The following GAP43 variants were observed in gnomAD, a reference collection of about 807,000 sequenced individuals.
GAP43 encodes neuromodulin.
GAP43 carries 6 observed loss-of-function variants against 18.6 expected under a neutral mutation model. That is an observed-to-expected ratio of 0.32 (90% CI 0.18 to 0.64). The LOEUF (loss-of-function observed/expected upper bound fraction) is 0.64, where lower values mean the gene tolerates loss of function less well. Among genes scored for constraint, GAP43 ranks in the 30% least tolerant of loss-of-function variants. The probability of loss-of-function intolerance (pLI) is 0.78; values close to 1 mark genes in which losing one functional copy is unlikely to be tolerated. For synonymous variants in GAP43, 115 were observed against 111.4 expected, an observed-to-expected ratio of 1.03 and a Z score of -0.20; for missense variants, 292 against 295.5, an observed-to-expected ratio of 0.99 and a Z score of 0.09.
At chr3:115,647,321 C>T (rs1042085663) in intron 1 of GAP43, among the ~76,000 whole-genome samples, 4 of 152,020 alleles carry the variant, frequency 2.6e-5, no homozygotes, top group Non-Finnish European at 5.9e-5. Flanking sequence ...ATAAATTTCT[C>T]TTGTTAACTA....
Position 115,698,012 on chromosome 3 carries a change from T to C in GAP43, c.628+21402T>C, listed in dbSNP as rs144593835. ...GTGTGTGTGTGTGTGTGTGTGTGTA[T>C]AAAATATATAACATGTATATAAAAT... On this transcript the variant is annotated intron_variant, in intron 2 of 2. Transcript: ENST00000305124. Among the ~76,000 whole-genome samples the C allele has an allele frequency of 1.5e-3, 174 of 112,600 alleles. 1 individual carries two copies. The highest frequency in any genetic ancestry group is 2.2e-3 in the Admixed American group (15 of 6,876). The allele number at this position is 112,600 out of a possible 152,430, so 73.9% of individuals were successfully genotyped here.
At chr3:115,649,419 GA>G in intron 1 of GAP43, among the ~76,000 whole-genome samples, 1 of 152,100 alleles carries the variant, frequency 6.6e-6, no homozygotes, top group East Asian at 1.9e-4. Flanking sequence ...TGGAGAAAGA[GA>G]AATGAGATTG....
In GAP43 at chr3:115,683,360, G is replaced by C. The variant is rs566743484; in HGVS notation, c.628+6750G>C. 2.6e-5 allele frequency among the ~76,000 whole-genome samples: 4 copies of C among 152,268 alleles called. No homozygotes were observed. The East Asian group carries it at 7.7e-4, about 29-fold the overall frequency. On this transcript the variant is annotated intron_variant, in intron 2 of 2. Transcript: ENST00000305124. ...TTTAGATAGAGGGGCAAAGAATCTA[G>C]AAGAGTCAATTCTAAGAAAGTTTAT...
intron 1 of GAP43, among the ~76,000 whole-genome samples, chr3:115,633,566 G>A (rs1708291176): frequency 6.6e-6 from 1 of 152,070 alleles, no homozygotes; most frequent in Non-Finnish European, 1.5e-5. Flanking sequence ...ACATATTATT[G>A]GTAGGGTTAT....
chr3:115,639,788 A>G (rs1488492720), intron 1 of GAP43, among the ~76,000 whole-genome samples: 2 of 152,092 alleles, frequency 1.3e-5, no homozygotes, highest in Non-Finnish European at 2.9e-5. Context: ...TCCTACACAC[A>G]AAAATATAAT....
intron 1 of GAP43, among the ~76,000 whole-genome samples, chr3:115,667,338 GGT>G (rs963414947): frequency 1.3e-5 from 2 of 152,216 alleles, no homozygotes; most frequent in Middle Eastern, 6.8e-3. Context: ...TTTGAAGAAG[GGT>G]GTGTGGTAGA....
At chr3:115,698,148 T>A (rs974294562) in intron 2 of GAP43, among the ~76,000 whole-genome samples, 768 of 5,850 alleles carry the variant, frequency 0.13, 3 homozygotes, top group Non-Finnish European at 0.22. Flanking sequence ...ATAATATATA[T>A]TATATATAAT....
At chr3:115,673,025 A>T (rs1002664478) in intron 1 of GAP43, among the ~76,000 whole-genome samples, 1 of 151,816 alleles carries the variant, frequency 6.6e-6, no homozygotes, top group African/African-American at 2.4e-5. Context: ...CTTGTTTTTC[A>T]TGGTTCTCCC....
At chr3:115,693,244 A>G (rs1709137644) in intron 2 of GAP43, among the ~76,000 whole-genome samples, 1 of 152,168 alleles carries the variant, frequency 6.6e-6, no homozygotes, top group Non-Finnish European at 1.5e-5. Flanking sequence ...TCTTCTTTGC[A>G]TCATACCTGA....
chr3:115,647,556 A>G (rs1708470903), intron 1 of GAP43, among the ~76,000 whole-genome samples: 1 of 151,910 alleles, frequency 6.6e-6, no homozygotes, highest in Non-Finnish European at 1.5e-5. Flanking sequence ...AAAAACTAGG[A>G]GAGTGCCCAG....
rs757884637 is a variant in GAP43, at chr3:115,676,020, A to G, written c.38A>G (p.Lys13Arg). The G allele has an allele frequency of 3.1e-5, 49 of 1,595,496 alleles. No homozygotes were observed. Among genetic ancestry groups the G allele is most frequent in the Non-Finnish European group, 4.2e-5 (49 of 1,172,520 alleles). Residue 13 changes from lysine (K) to arginine (R), a missense_variant, in exon 2 of 3, where the codon AAA becomes AGA. Physicochemically the swap from Lys to Arg is conservative, Grantham distance 26. Transcript: ENST00000305124. ...CCMRRTKQVE[K>R]NDDDQKIEQD... ...CTTCTTTTCTCGACAAAGGTTGAAA[A>G]AAATGATGACGACCAAAAGATTGAA...
chr3:115,631,229 C>T (rs1326889094), intron 1 of GAP43, among the ~76,000 whole-genome samples: 1 of 152,124 alleles, frequency 6.6e-6, no homozygotes, highest in Non-Finnish European at 1.5e-5. Context: ...TGTTTAATGT[C>T]CTGTTTCATG....
chr3:115,716,964 C>A (rs115809781), intron 2 of GAP43, among the ~76,000 whole-genome samples: 2,684 of 151,546 alleles, frequency 0.018, 77 homozygotes, highest in African/African-American at 0.061. Context: ...AGTTTCAGTG[C>A]CGAATTGCTA....
chr3:115,647,766 A>AAAG (rs1418371157), intron 1 of GAP43, among the ~76,000 whole-genome samples: 4 of 151,788 alleles, frequency 2.6e-5, no homozygotes, highest in Non-Finnish European at 5.9e-5. Flanking sequence ...AACAAAAAAA[A>AAAG]AAAACGGCCT....
At chr3:115,661,616 G>C (rs571367657) in intron 1 of GAP43, among the ~76,000 whole-genome samples, 1 of 152,076 alleles carries the variant, frequency 6.6e-6, no homozygotes, top group Non-Finnish European at 1.5e-5. Context: ...AGCCTCCCGA[G>C]TAGCCGGGAC....
chr3:115,656,763 T>C (rs1039341558), intron 1 of GAP43, among the ~76,000 whole-genome samples: 7 of 152,074 alleles, frequency 4.6e-5, no homozygotes, highest in African/African-American at 1.7e-4. Context: ...ACTTGAAACA[T>C]AAAAGGCTTT....
intron 2 of GAP43, among the ~76,000 whole-genome samples, chr3:115,693,028 C>T (rs539536187): frequency 1.0e-3 from 157 of 152,238 alleles, no homozygotes; most frequent in African/African-American, 3.4e-3. Context: ...TGGAGAGTGA[C>T]GCCTGACACG....
chr3:115,716,982 T>C (rs1021215200), intron 2 of GAP43, among the ~76,000 whole-genome samples: 2 of 151,716 alleles, frequency 1.3e-5, no homozygotes, highest in Non-Finnish European at 2.9e-5. Flanking sequence ...CTAAAATGAG[T>C]TTGGCCACCT....
At position 115,700,520 on chromosome 3, in the gene GAP43, G is replaced by T. The variant is rs539493504; in HGVS notation, c.629-20274G>T. Among the ~76,000 whole-genome samples the T allele has an allele frequency of 2.6e-5, 4 of 152,168 alleles. 1 individual carries two copies. In the East Asian group the frequency reaches 7.7e-4, roughly 29 times the overall value. ...TTCTCCATAGCATAGAGTCTTCCTA[G>T]CTGTAACATGTAAATAAACCCACCT... On this transcript the variant is annotated intron_variant, in intron 2 of 2. Transcript: ENST00000305124.
Sources: gnomAD v4.1 joint callset for allele counts (sites outside exome capture counted in the v4.1 genomes callset) on GRCh38, gnomAD v4.1.1 for gene constraint, MANE v1.5 for transcripts, NCBI Gene and HGNC (gene_info 2026-07-23, HGNC 2026-07-21) for gene names.